CADM2: variants seen among roughly 807,000 people sequenced by gnomAD.
CADM2 encodes the protein immunoglobulin superfamily member 4D.
CADM2 carries 12 observed loss-of-function variants against 49.8 expected under a neutral mutation model. The ratio of observed to expected loss-of-function variants is 0.24; its 90% CI spans 0.15 to 0.39. The LOEUF is 0.39. Ranked by LOEUF, CADM2 falls within the 10% of genes least tolerant of loss-of-function variation. CADM2 has a pLI of 1.00. For synonymous variants in CADM2, 214 were observed against 175.4 expected (o/e 1.22, Z -1.74); for missense variants, 378 against 492.3 (o/e 0.77, Z 2.20).
At chr3:85,896,689 CTA>C (rs1437757242) in intron 5 of CADM2, among the ~76,000 whole-genome samples, 1 of 152,156 alleles carries the variant, frequency 6.6e-6, no homozygotes, top group African/African-American at 2.4e-5. Flanking sequence ...TTGACATTAG[CTA>C]TGTTTCCTTG....
At chr3:85,512,224 T>C (rs891721555) in intron 1 of CADM2, among the ~76,000 whole-genome samples, 3 of 152,094 alleles carry the variant, frequency 2.0e-5, no homozygotes, top group African/African-American at 7.2e-5. Context: ...TTGTACCCAA[T>C]GTTTAGCTCC....
chr3:85,421,836 T>C (rs1250752894), intron 1 of CADM2, among the ~76,000 whole-genome samples: 2 of 152,244 alleles, frequency 1.3e-5, no homozygotes, highest in African/African-American at 2.4e-5. Context: ...TACAGCATTC[T>C]GTTTAATCAG....
chr3:84,979,566 A>G (rs2032037447), intron 1 of CADM2, among the ~76,000 whole-genome samples: 1 of 152,108 alleles, frequency 6.6e-6, no homozygotes, highest in Non-Finnish European at 1.5e-5. Context: ...TCTAAGAAAA[A>G]TCTTAAATTA....
At chr3:85,942,760 G>A (rs1290564892) in intron 7 of CADM2, among the ~76,000 whole-genome samples, 1 of 151,842 alleles carries the variant, frequency 6.6e-6, no homozygotes, top group Non-Finnish European at 1.5e-5. Flanking sequence ...TTGGTTCCAA[G>A]TCTTTGCTAT....
chr3:85,487,095 A>G (rs1185583880), intron 1 of CADM2, among the ~76,000 whole-genome samples: 1 of 152,204 alleles, frequency 6.6e-6, no homozygotes, highest in Non-Finnish European at 1.5e-5. Flanking sequence ...ATTTCCCCCA[A>G]TACTTAGCTT....
At chr3:85,047,041 T>A (rs2035695687) in intron 1 of CADM2, among the ~76,000 whole-genome samples, 1 of 152,156 alleles carries the variant, frequency 6.6e-6, no homozygotes, top group Non-Finnish European at 1.5e-5. Context: ...ACCCATTAAA[T>A]CAAGGTATGT....
At chr3:85,323,877 ATTC>A (rs1207693390) in intron 1 of CADM2, among the ~76,000 whole-genome samples, 2 of 152,214 alleles carry the variant, frequency 1.3e-5, no homozygotes, top group Non-Finnish European at 2.9e-5. Flanking sequence ...CCAGTCTTCA[ATTC>A]TTCTTATAAC....
At chr3:86,064,177 G>A (rs960710496) in intron 8 of CADM2, among the ~76,000 whole-genome samples, 1 of 151,798 alleles carries the variant, frequency 6.6e-6, no homozygotes, top group South Asian at 2.1e-4. Flanking sequence ...TTTACATTAG[G>A]TATATCTCCT....
chr3:85,617,255 G>A (rs970871807), intron 1 of CADM2, among the ~76,000 whole-genome samples: 1 of 152,142 alleles, frequency 6.6e-6, no homozygotes, highest in Admixed American at 6.6e-5. Context: ...TCAAGTTGGG[G>A]TTCCCACAAC....
At chr3:85,499,716 C>A (rs1301262595) in intron 1 of CADM2, among the ~76,000 whole-genome samples, 1 of 151,858 alleles carries the variant, frequency 6.6e-6, no homozygotes, top group Non-Finnish European at 1.5e-5. Context: ...TTTCTATTTT[C>A]TTTCCTAATG....
rs773736043 is a variant in CADM2, at chr3:85,961,498, G to A, written c.821G>A (p.Gly274Asp). The A allele has an allele frequency of 2.5e-6, 4 of 1,604,602 alleles. No homozygotes were observed. The highest frequency in any genetic ancestry group is 4.5e-5 in the East Asian group (2 of 44,726). The change falls in exon 8 of 10, where the codon GGC becomes GAC. Residue 274 changes from glycine to aspartate, a missense_variant. Physicochemically the swap from Gly to Asp is moderately conservative, Grantham distance 94. Coordinates refer to ENST00000383699, the MANE Select transcript of CADM2 (RefSeq NM_001167675.2). The stretch of plus-strand genomic sequence containing the variant: ...GAACCTGTTTTGTGGACAAAGGATG[G>A]CGGAGAATTACCAGATCCTGACCGA... Reference protein sequence around the residue: ...LPEPVLWTKDGGELPDPDRMV... With the variant: ...LPEPVLWTKDDGELPDPDRMV...
At chr3:85,544,624 T>G (rs1251045428) in intron 1 of CADM2, among the ~76,000 whole-genome samples, 1 of 152,014 alleles carries the variant, frequency 6.6e-6, no homozygotes, top group African/African-American at 2.4e-5. Context: ...ATTGCATGTT[T>G]AGAGGTCTAT....
At chr3:85,521,963 C>T (rs948418885) in intron 1 of CADM2, among the ~76,000 whole-genome samples, 1 of 151,966 alleles carries the variant, frequency 6.6e-6, no homozygotes, top group Admixed American at 6.6e-5. Context: ...TTTTCTGGGG[C>T]GTGCTAGCTA....
chr3:85,596,909 C>CG (rs2063260106), intron 1 of CADM2, among the ~76,000 whole-genome samples: 1 of 151,996 alleles, frequency 6.6e-6, no homozygotes, highest in Non-Finnish European at 1.5e-5. Context: ...TAGAGACAGG[C>CG]TTTCGCCATG....
intron 1 of CADM2, among the ~76,000 whole-genome samples, chr3:85,696,711 G>T (rs952852713): frequency 6.6e-6 from 1 of 151,908 alleles, no homozygotes; most frequent in East Asian, 1.9e-4. Context: ...AGTTAAAAAT[G>T]TATTCTTAGA....
At chr3:85,997,693 A>G (rs997061203) in intron 8 of CADM2, among the ~76,000 whole-genome samples, 1 of 152,180 alleles carries the variant, frequency 6.6e-6, no homozygotes, top group Non-Finnish European at 1.5e-5. Context: ...TGATGTTTTC[A>G]CGTTTCCTAC....
chr3:85,562,676 A>G (rs1039552238), intron 1 of CADM2, among the ~76,000 whole-genome samples: 3 of 151,996 alleles, frequency 2.0e-5, no homozygotes, highest in South Asian at 2.1e-4. Context: ...TTCTCTATTC[A>G]CCTTTTTCTT....
chr3:85,037,450 G>A (rs2035266906), intron 1 of CADM2, among the ~76,000 whole-genome samples: 1 of 152,174 alleles, frequency 6.6e-6, no homozygotes, highest in African/African-American at 2.4e-5. Context: ...CTAGATTAGA[G>A]ATCACTAACC....
In CADM2 at chr3:85,955,993, G is replaced by T. The variant is rs548006837; in HGVS notation, c.792-5476G>T. 1.4e-3 allele frequency among the ~76,000 whole-genome samples: 215 copies of T among 151,756 alleles called. 2 individuals are homozygous for T. Among genetic ancestry groups the T allele is most frequent in the Non-Finnish European group, 1.9e-3 (126 of 67,758 alleles). On this transcript the variant is annotated intron_variant, in intron 7 of 9. Transcript: ENST00000383699. ...ATAAGGAAAAATAAACATCTTTATAGTTTTATAGAATTGATAGAAACAAAA... is the reference window on the plus strand; with the variant it reads ...ATAAGGAAAAATAAACATCTTTATATTTTTATAGAATTGATAGAAACAAAA...
Sources: gnomAD v4.1 joint callset for allele counts (sites outside exome capture counted in the v4.1 genomes callset) on GRCh38, gnomAD v4.1.1 for gene constraint, MANE v1.5 for transcripts, NCBI Gene and HGNC (gene_info 2026-07-23, HGNC 2026-07-21) for gene names.